ATAD3B: variants seen among roughly 807,000 people sequenced by gnomAD.
The protein encoded by ATAD3B is ATPase family AAA domain-containing protein 3B.
In ATAD3B, 59 loss-of-function variants were observed where a neutral mutation model predicts 70.2. That is an observed-to-expected ratio of 0.84 (90% confidence interval 0.68 to 1.04). The LOEUF is 1.04. Among genes scored for constraint, ATAD3B ranks in the 50% least tolerant of loss-of-function variants. The pLI, the probability that ATAD3B is intolerant of heterozygous loss-of-function variation, is 0.00. For synonymous variants in ATAD3B, 423 were observed against 388.6 expected (o/e 1.09, Z -1.04); for missense variants, 961 against 913.4 (o/e 1.05, Z -0.67).
chr1:1,485,833 C>T lies in ATAD3B; in HGVS notation c.958C>T (p.Leu320Phe), dbSNP rs529772077. 6.8e-6 allele frequency: 11 copies of T among 1,613,096 alleles called. No homozygotes were observed. Among genetic ancestry groups the T allele is most frequent in the Admixed American group, 5.0e-5 (3 of 59,954 alleles). ...CCAGGACGTGCTGGAGGGTGTTGTG[C>T]TTAGTGTAAGTCGGTGTGCCTGGGA... ...RPQDVLEGVV[L>F]SPSLEARVRD... The change falls in exon 9 of 16, where the codon CTT (leucine) becomes TTT (phenylalanine). Residue 320 changes from leucine to phenylalanine, a missense_variant. Transcript: ENST00000673477.
chr1:1,483,762 T>A (rs1047418901), intron 7 of ATAD3B: 3 of 152,540 alleles, frequency 2.0e-5, no homozygotes, highest in African/African-American at 7.2e-5. Context: ...GATGGCACCA[T>A]TGCACTCCAG....
chr1:1,509,267 A>G, the ATAD3B span: 1 of 1,612,930 alleles, frequency 6.2e-7, no homozygotes. Context: ...CCCGCGTGCA[A>G]GATGCTGTCC....
the ATAD3B span, among the ~76,000 whole-genome samples, chr1:1,506,266 T>C: frequency 6.6e-6 from 1 of 152,148 alleles, no homozygotes; most frequent in African/African-American, 2.4e-5. Context: ...TTTTTCCCTT[T>C]GGCAATTCAA....
At chr1:1,486,832 T>C (rs1490925623) in intron 11 of ATAD3B, among the ~76,000 whole-genome samples, 164 bp downstream of exon 11, 2 of 149,798 alleles carry the variant, frequency 1.3e-5, no homozygotes, top group African/African-American at 2.5e-5. Flanking sequence ...GAAAGTCCCC[T>C]GAGTGTGGAC....
chr1:1,480,844 C>T, intron 4 of ATAD3B, 23 bp from the exon 5 acceptor site: 1 of 1,593,656 alleles, frequency 6.3e-7, no homozygotes, highest in Non-Finnish European at 8.5e-7. Context: ...AGGCTTTTCT[C>T]TTTTTCTGCG....
At chr1:1,507,223 A>G in the ATAD3B span, among the ~76,000 whole-genome samples, 1 of 152,206 alleles carries the variant, frequency 6.6e-6, no homozygotes, top group Non-Finnish European at 1.5e-5. Flanking sequence ...TATGTGGAAT[A>G]GAAGCAGTAA....
intron 2 of ATAD3B, 197 bp from the exon 3 acceptor site, chr1:1,478,447 G>A: frequency 1.3e-6 from 2 of 1,534,824 alleles, no homozygotes; most frequent in Non-Finnish European, 1.8e-6. Context: ...TTCTCTGCTG[G>A]TGCTTCTGTG....
At chr1:1,475,772 ATTGT>A (rs1639559784) in intron 1 of ATAD3B, among the ~76,000 whole-genome samples, 1 of 151,722 alleles carries the variant, frequency 6.6e-6, no homozygotes, top group African/African-American at 2.4e-5. Context: ...GTGGTGAATG[ATTGT>A]TCTCATTCTA....
chr1:1,491,029 C>T (rs961874970), intron 15 of ATAD3B, among the ~76,000 whole-genome samples: 9 of 151,948 alleles, frequency 5.9e-5, no homozygotes, highest in African/African-American at 1.9e-4. Flanking sequence ...GGACAGGCCC[C>T]GTGTGAGTTG....
intron 2 of ATAD3B, 46 bp from the exon 3 acceptor site, chr1:1,478,598 T>C: frequency 6.5e-7 from 1 of 1,549,604 alleles, no homozygotes. Context: ...TGTCAGGCAG[T>C]GCCAGCCCTG....
At chr1:1,501,914 C>G (rs112904962), downstream of ATAD3B, among the ~76,000 whole-genome samples, 2,019 of 151,740 alleles carry the variant, frequency 0.013, 48 homozygotes, top group African/African-American at 0.046. Context: ...GAGTCTCACT[C>G]GTCGCCGAGG....
At chr1:1,473,141 T>TG in intron 1 of ATAD3B, among the ~76,000 whole-genome samples, 1 of 132,864 alleles carries the variant, frequency 7.5e-6, no homozygotes, top group African/African-American at 2.9e-5. Flanking sequence ...TTCCTTTTTT[T>TG]TTTTTTTTTT....
At position 1,482,146 on chromosome 1, in the gene ATAD3B, G is replaced by A. The variant is rs1415250076; in HGVS notation, c.523G>A (p.Glu175Lys). ...CTGCCTCTCTGGGGCAGCCACCGTG[G>A]AGCGGGAGATGGAGCTGCGGCACAA... is the stretch of plus-strand genomic sequence containing the variant. ...KQEAMRRATV[E>K]REMELRHKNE... Residue 175 changes from glutamate (E) to lysine (K), a missense_variant, in exon 6 of 16, where the codon GAG (glutamate) becomes AAG (lysine). Glu to Lys is a moderately conservative substitution (Grantham distance 56). This residue lies in a region of ATAD3B where 187 missense variants were observed against 244.3 expected (regional missense o/e 0.77). Coordinates refer to ENST00000673477, the MANE Select transcript of ATAD3B (RefSeq NM_031921.6). 2 of 1,608,832 alleles carry A rather than the reference G, an allele frequency of 1.2e-6. No individual in the cohort carries two copies. The highest frequency in any genetic ancestry group is 1.7e-5 in the Admixed American group (1 of 59,606).
the ATAD3B span, among the ~76,000 whole-genome samples, chr1:1,508,047 T>A: frequency 6.6e-6 from 1 of 152,190 alleles, no homozygotes; most frequent in South Asian, 2.1e-4. Flanking sequence ...CGTGAGCATC[T>A]GCGTAGCCCC....
intron 1 of ATAD3B, among the ~76,000 whole-genome samples, chr1:1,472,957 G>A (rs1639406030): frequency 6.6e-6 from 1 of 150,934 alleles, no homozygotes; most frequent in Non-Finnish European, 1.5e-5. Context: ...CGAGTAGCTG[G>A]GATTACAGCC....
chr1:1,496,077 T>G lies in ATAD3B; in HGVS notation c.*260T>G. 1 of 1,224,626 alleles carries G rather than the reference T, an allele frequency of 8.2e-7. No individual in the cohort carries two copies. Among genetic ancestry groups the G allele is most frequent in the Non-Finnish European group, 1.0e-6 (1 of 978,832 alleles). 75.9% of individuals were successfully genotyped at this position (1,224,626 alleles called of 1,614,324 possible). ...AGAAGTGGGGCGGCCTGAACCCTGCTTCCAGCCATGGCCAGGGGCCACGGA... is the reference window on the plus strand; with the variant it reads ...AGAAGTGGGGCGGCCTGAACCCTGCGTCCAGCCATGGCCAGGGGCCACGGA... On this transcript the variant is annotated 3_prime_UTR_variant, in exon 16 of 16. Coordinates refer to ENST00000673477, the MANE Select transcript of ATAD3B (RefSeq NM_031921.6).
chr1:1,503,730 C>T, the ATAD3B span: 13 of 1,588,376 alleles, frequency 8.2e-6, no homozygotes, highest in Non-Finnish European at 1.0e-5. Flanking sequence ...ATTGGTAGGG[C>T]TACTGCCGGT....
chr1:1,495,256 A>G (rs1165538514), intron 15 of ATAD3B, among the ~76,000 whole-genome samples: 1 of 151,996 alleles, frequency 6.6e-6, no homozygotes. Flanking sequence ...TCAGAAAGTC[A>G]TTGAGCAACA....
chr1:1,499,862 G>A (rs1463079939), downstream of ATAD3B, among the ~76,000 whole-genome samples: 5 of 151,166 alleles, frequency 3.3e-5, no homozygotes, highest in East Asian at 1.9e-4. Flanking sequence ...CCGAAGTGCC[G>A]GGATTACAGG....
Sources: allele counts gnomAD v4.1 joint callset (sites outside exome capture counted in the v4.1 genomes callset), GRCh38; gene constraint gnomAD v4.1.1; regional missense constraint gnomAD v4.1.1; transcripts MANE v1.5; gene names NCBI Gene and HGNC (gene_info 2026-07-23, HGNC 2026-07-21).